ARHGEF3: variants seen among roughly 807,000 people sequenced by gnomAD.
The protein encoded by ARHGEF3 is 59.8 kDA protein.
ARHGEF3 carries 28 observed loss-of-function variants against 63.2 expected under a neutral mutation model. The observed-to-expected ratio is 0.44, with a 90% confidence interval of 0.33 to 0.61. The LOEUF (loss-of-function observed/expected upper bound fraction) is 0.61, where lower values mean the gene tolerates loss of function less well. ARHGEF3 is among the 20% of genes least tolerant of loss of function. The pLI is 0.03. For synonymous variants in ARHGEF3, 266 were observed against 254.2 expected (o/e 1.05, Z -0.44); for missense variants, 533 against 659.3 (o/e 0.81, Z 2.10).
intron 4 of ARHGEF3, among the ~76,000 whole-genome samples, chr3:56,849,005 G>A (rs2039581986): frequency 6.6e-6 from 1 of 152,212 alleles, no homozygotes; most frequent in Non-Finnish European, 1.5e-5. Flanking sequence ...TGTACCAGCG[G>A]CTTTTTAAAG....
chr3:56,775,739 A>AT (rs2036252088), intron 1 of ARHGEF3: 2 of 960,876 alleles, frequency 2.1e-6, no homozygotes, highest in Non-Finnish European at 2.5e-6. Flanking sequence ...GGTTTAAAAC[A>AT]TTTTTTTACG....
intron 4 of ARHGEF3, among the ~76,000 whole-genome samples, chr3:56,813,932 TC>T (rs1283079640): frequency 1.3e-5 from 2 of 151,844 alleles, no homozygotes; most frequent in African/African-American, 4.8e-5. Flanking sequence ...GCCAACATTC[TC>T]CCTCCTACCT....
intron 3 of ARHGEF3, among the ~76,000 whole-genome samples, chr3:56,889,930 C>T (rs774975730): frequency 2.2e-4 from 34 of 151,914 alleles, no homozygotes; most frequent in African/African-American, 7.3e-5. Flanking sequence ...AGCGTGGTAG[C>T]GTGCGCCTGT....
chr3:56,838,499 C>A (rs1369706434), intron 4 of ARHGEF3, among the ~76,000 whole-genome samples: 2 of 152,232 alleles, frequency 1.3e-5, no homozygotes, highest in East Asian at 3.9e-4. Context: ...AAAATACACA[C>A]AGTAATGTTC....
chr3:57,036,272 A>ATGAGC (rs1703959112), intron 1 of ARHGEF3, among the ~76,000 whole-genome samples: 2 of 152,164 alleles, frequency 1.3e-5, no homozygotes, highest in Non-Finnish European at 2.9e-5. Context: ...ATCTCCAAGT[A>ATGAGC]TGAGCTGTGA....
intron 3 of ARHGEF3, 138 bp downstream of exon 3, chr3:56,754,834 TTCCCCAAGG>T: frequency 9.3e-7 from 1 of 1,071,252 alleles, no homozygotes; most frequent in Non-Finnish European, 1.3e-6. Flanking sequence ...TCTCAGTTCC[TTCCCCAAGG>T]TCAGACACTC....
chr3:56,959,304 A>G (rs921024581), intron 2 of ARHGEF3, among the ~76,000 whole-genome samples: 1 of 152,136 alleles, frequency 6.6e-6, no homozygotes, highest in Non-Finnish European at 1.5e-5. Context: ...AGTTCCAACA[A>G]GGGGTACATT....
At chr3:56,737,419 A>AG in intron 7 of ARHGEF3, 64 bp from the exon 8 acceptor site, 1 of 1,410,250 alleles carries the variant, frequency 7.1e-7, no homozygotes. Flanking sequence ...ACCAAGTCTT[A>AG]GGGGCTCAGC....
chr3:57,057,456 T>C (rs1704994232), intron 1 of ARHGEF3, among the ~76,000 whole-genome samples: 1 of 152,164 alleles, frequency 6.6e-6, no homozygotes, highest in Non-Finnish European at 1.5e-5. Context: ...ATCCCAACTA[T>C]AATTTTACTT....
chr3:56,892,359 A>C (rs555073229), intron 3 of ARHGEF3, among the ~76,000 whole-genome samples: 1 of 152,304 alleles, frequency 6.6e-6, no homozygotes, highest in Non-Finnish European at 1.5e-5. Flanking sequence ...TGCATTAACC[A>C]GAGCACTTTT....
At chr3:57,025,503 CT>C (rs1030408391) in intron 2 of ARHGEF3, among the ~76,000 whole-genome samples, 12 of 152,282 alleles carry the variant, frequency 7.9e-5, no homozygotes, top group African/African-American at 2.4e-4. Context: ...CTCAGTGACT[CT>C]GTGTTAGCAT....
At chr3:57,057,078 G>A (rs1257538669) in intron 1 of ARHGEF3, among the ~76,000 whole-genome samples, 1 of 151,798 alleles carries the variant, frequency 6.6e-6, no homozygotes, top group Non-Finnish European at 1.5e-5. Flanking sequence ...GGTAAAATGG[G>A]GTCTACACTG....
At chr3:56,996,540 TGA>T (rs1410192552) in intron 2 of ARHGEF3, among the ~76,000 whole-genome samples, 2 of 152,152 alleles carry the variant, frequency 1.3e-5, no homozygotes, top group East Asian at 3.9e-4. Context: ...GAGGACACAG[TGA>T]GAAGGCACCA....
intron 2 of ARHGEF3, among the ~76,000 whole-genome samples, chr3:56,983,205 T>A (rs778906264): frequency 2.6e-5 from 4 of 152,216 alleles, no homozygotes; most frequent in Middle Eastern, 3.4e-3. Context: ...AAATCTAGAT[T>A]TCATTTAGAA....
At chr3:56,936,317 A>G (rs1232741733) in intron 3 of ARHGEF3, among the ~76,000 whole-genome samples, 1 of 152,206 alleles carries the variant, frequency 6.6e-6, no homozygotes, top group Non-Finnish European at 1.5e-5. Flanking sequence ...ACTGACCCAC[A>G]AAGAGAAGTC....
intron 2 of ARHGEF3, among the ~76,000 whole-genome samples, chr3:56,974,673 G>C (rs185967777): frequency 6.6e-6 from 1 of 151,658 alleles, no homozygotes; most frequent in African/African-American, 2.4e-5. Flanking sequence ...CCCTCCCCCT[G>C]CCCCCCACAT....
At chr3:57,029,224 A>C (rs948011110) in intron 2 of ARHGEF3, among the ~76,000 whole-genome samples, 2 of 152,170 alleles carry the variant, frequency 1.3e-5, no homozygotes, top group African/African-American at 4.8e-5. Context: ...TGAGGTCGGG[A>C]GTTTAAGACC....
intron 3 of ARHGEF3, among the ~76,000 whole-genome samples, chr3:56,899,007 T>C (rs2041412989): frequency 6.6e-6 from 1 of 152,104 alleles, no homozygotes. Flanking sequence ...TGATCCGAGA[T>C]TGCACCACTG....
At chr3:57,000,572 C>T (rs113272104) in intron 2 of ARHGEF3, among the ~76,000 whole-genome samples, 204 of 152,172 alleles carry the variant, frequency 1.3e-3, no homozygotes, top group African/African-American at 4.2e-3. Context: ...CTCACTCTGT[C>T]GCCCAGGCTG....
Sources: allele counts gnomAD v4.1 joint callset (sites outside exome capture counted in the v4.1 genomes callset), GRCh38; gene constraint gnomAD v4.1.1; transcripts MANE v1.5; gene names NCBI Gene and HGNC (gene_info 2026-07-23, HGNC 2026-07-21).